VWA2: variants seen among roughly 807,000 people sequenced by gnomAD.
The protein encoded by VWA2 is von Willebrand factor A domain-containing protein 2.
Under a neutral mutation model 70.4 loss-of-function variants are expected in VWA2, and 73 were observed. The ratio of observed to expected loss-of-function variants is 1.04; its 90% CI spans 0.86 to 1.26. The LOEUF (loss-of-function observed/expected upper bound fraction) is 1.26, where lower values mean the gene tolerates loss of function less well. VWA2 is among the 50% of genes most tolerant of loss of function. The pLI is 0.00. For missense variants in VWA2, 1,011 were observed against 998.5 expected, an observed-to-expected ratio of 1.01 and a Z score of -0.17; for synonymous variants, 407 against 423.3, an observed-to-expected ratio of 0.96 and a Z score of 0.47.
intron 1 of VWA2, among the ~76,000 whole-genome samples, chr10:114,239,777 G>A (rs1261469673): frequency 6.6e-6 from 1 of 152,196 alleles, no homozygotes; most frequent in Admixed American, 6.5e-5. Context: ...CGGCGGCGTC[G>A]GGGGAAGAGC....
chr10:114,274,578 G>A (rs939102004), intron 6 of VWA2, among the ~76,000 whole-genome samples: 1 of 151,984 alleles, frequency 6.6e-6, no homozygotes, highest in Non-Finnish European at 1.5e-5. Context: ...GGGTTCAAGC[G>A]ATTCTCATGC....
chr10:114,263,937 A>G (rs1382343225), intron 5 of VWA2, among the ~76,000 whole-genome samples: 1 of 152,246 alleles, frequency 6.6e-6, no homozygotes, highest in Non-Finnish European at 1.5e-5. Context: ...TATTAAGGAA[A>G]TGCAGATCAG....
chr10:114,242,126 A>G (rs1047334921), intron 1 of VWA2, among the ~76,000 whole-genome samples: 7 of 151,750 alleles, frequency 4.6e-5, no homozygotes, highest in Non-Finnish European at 8.8e-5. Context: ...TGTGATTACT[A>G]CCCTCGGTCC....
At chr10:114,275,900 C>A (rs2133371263) in intron 6 of VWA2, among the ~76,000 whole-genome samples, 1 of 152,230 alleles carries the variant, frequency 6.6e-6, no homozygotes, top group African/African-American at 2.4e-5. Context: ...TGCAGTCCAG[C>A]CTGGGTGACA....
At chr10:114,266,121 C>T (rs575194033) in intron 5 of VWA2, among the ~76,000 whole-genome samples, 6 of 152,186 alleles carry the variant, frequency 3.9e-5, no homozygotes, top group African/African-American at 1.4e-4. Flanking sequence ...AACGGTGAAA[C>T]CCCATCTCTA....
In VWA2 at chr10:114,261,313, C is replaced by T; in HGVS notation, c.371+18C>T. ...GTTTTCAAGTATGTATGATCAGATA[C>T]TGCTGTGGTTAGGGTGACGCCAACT... On this transcript the variant is annotated intron_variant, in intron 5 of 13. Transcript: ENST00000392982. The T allele has an allele frequency of 6.2e-7, 1 of 1,601,456 alleles. No homozygotes were observed. The highest frequency in any genetic ancestry group is 8.6e-7 in the Non-Finnish European group (1 of 1,168,416).
At chr10:114,241,412 C>G (rs1383250704) in intron 1 of VWA2, among the ~76,000 whole-genome samples, 3 of 152,308 alleles carry the variant, frequency 2.0e-5, no homozygotes, top group Non-Finnish European at 2.9e-5. Context: ...TCTACTGTCT[C>G]AATAGTTTTA....
Position 114,272,935 on chromosome 10 carries a change from G to T in VWA2, c.566+1G>T, listed in dbSNP as rs746362767. Reference sequence around the variant, plus strand: ...TTGCTGTGGGGGTCAGGTTTCCCAGGTAAGAGCCTCAGTCACCCTGGATCA... The same window carrying T: ...TTGCTGTGGGGGTCAGGTTTCCCAGTTAAGAGCCTCAGTCACCCTGGATCA... On this transcript the variant is annotated splice_donor_variant, in intron 6 of 13. Transcript: ENST00000392982. LOFTEE classifies it high-confidence loss of function. 7.5e-6 allele frequency: 12 copies of T among 1,607,792 alleles called. No homozygotes were observed. Among genetic ancestry groups the T allele is most frequent in the Non-Finnish European group, 1.0e-5 (12 of 1,176,774 alleles).
chr10:114,291,374 G>A lies in VWA2; in HGVS notation c.*137G>A. On this transcript the variant is annotated 3_prime_UTR_variant, in exon 14 of 14. Transcript: ENST00000392982. ...CTTAGAATGTCTGCTTCCCGCCGTG[G>A]CCAGGACCACTATTCTCACTGAGGG... is the stretch of plus-strand genomic sequence containing the variant. The A allele has an allele frequency of 9.5e-7, 1 of 1,057,422 alleles. No individual in the cohort carries two copies. Among genetic ancestry groups the A allele is most frequent in the Non-Finnish European group, 1.3e-6 (1 of 755,142 alleles). The allele number at this position is 1,057,422 out of a possible 1,614,324, so 65.5% of individuals were successfully genotyped here.
chr10:114,255,473 C>T (rs1471946994), intron 4 of VWA2, among the ~76,000 whole-genome samples: 1 of 152,102 alleles, frequency 6.6e-6, no homozygotes, highest in Non-Finnish European at 1.5e-5. Context: ...AGTTTCTGGC[C>T]GGACCTCAGT....
At chr10:114,260,616 G>T (rs1368415025) in intron 4 of VWA2, among the ~76,000 whole-genome samples, 1 of 152,198 alleles carries the variant, frequency 6.6e-6, no homozygotes, top group Non-Finnish European at 1.5e-5. Context: ...TGGCTTGTGT[G>T]GGCTGCTGAG....
At chr10:114,244,633 T>TA (rs11369354) in intron 1 of VWA2, among the ~76,000 whole-genome samples, 70,944 of 151,290 alleles carry the variant, frequency 0.47, 17,522 homozygotes, top group African/African-American at 0.64. Context: ...ATTCACCCTT[T>TA]AAAAAAAAAG....
intron 5 of VWA2, among the ~76,000 whole-genome samples, chr10:114,264,291 A>G (rs1030371146): frequency 2.6e-5 from 4 of 152,266 alleles, no homozygotes; most frequent in Non-Finnish European, 4.4e-5. Flanking sequence ...TATCCAAACA[A>G]TGGAATACTA....
intron 5 of VWA2, among the ~76,000 whole-genome samples, chr10:114,263,522 C>A (rs11599688): frequency 0.27 from 39,865 of 150,422 alleles, 5,793 homozygotes; most frequent in African/African-American, 0.38. Context: ...ATTTTTTAGT[C>A]GAGATGGGGT....
Position 114,291,323 on chromosome 10 carries a change from C to G in VWA2, c.*86C>G, listed in dbSNP as rs748158375. The G allele has an allele frequency of 7.0e-6, 10 of 1,428,908 alleles. No individual in the cohort carries two copies. Among genetic ancestry groups the G allele is most frequent in the Admixed American group, 4.8e-5 (2 of 41,542 alleles). The allele number at this position is 1,428,908 out of a possible 1,614,324, so 88.5% of individuals were successfully genotyped here. On this transcript the variant is annotated 3_prime_UTR_variant, in exon 14 of 14. Transcript: ENST00000392982. Reference sequence around the variant, plus strand: ...GCCTGGGCACTGAAATGGTGCCTACCTTCTGGAATGTCTGTGCCCCAGGTC... The same window carrying G: ...GCCTGGGCACTGAAATGGTGCCTACGTTCTGGAATGTCTGTGCCCCAGGTC...
chr10:114,285,789 C>A, intron 10 of VWA2, 150 bp from the exon 11 acceptor site: 2 of 823,736 alleles, frequency 2.4e-6, no homozygotes, highest in Non-Finnish European at 3.7e-6. Context: ...TTGTCTCTAA[C>A]TCTGTGACGA....
At chr10:114,253,848 C>A in intron 3 of VWA2, 123 bp downstream of exon 3, 1 of 940,898 alleles carries the variant, frequency 1.1e-6, no homozygotes, top group Non-Finnish European at 1.6e-6. Flanking sequence ...CATGCTCTGG[C>A]CAGAGTCATT....
intron 12 of VWA2, chr10:114,289,760 C>G: frequency 2.0e-6 from 1 of 511,276 alleles, no homozygotes; most frequent in Non-Finnish European, 3.5e-6. Context: ...ACAGAACACA[C>G]TTTTAGAATA....
chr10:114,254,059 G>A (rs2037266216), intron 3 of VWA2, among the ~76,000 whole-genome samples: 1 of 151,626 alleles, frequency 6.6e-6, no homozygotes, highest in Non-Finnish European at 1.5e-5. Context: ...AAGCAAAACA[G>A]CTCAGTAAAC....
Sources: allele counts gnomAD v4.1 joint callset (sites outside exome capture counted in the v4.1 genomes callset), GRCh38; gene constraint gnomAD v4.1.1; transcripts MANE v1.5; gene names NCBI Gene and HGNC (gene_info 2026-07-23, HGNC 2026-07-21).